Variants in STYXL1 observed in about 807,000 individuals in gnomAD.
STYXL1 encodes serine/threonine/tyrosine-interacting-like protein 1.
A neutral mutation model predicts 36.4 loss-of-function variants in STYXL1; 32 were observed. That is an observed-to-expected ratio of 0.88 (90% CI 0.66 to 1.18). The LOEUF is 1.18. Ranked by LOEUF, STYXL1 falls within the 50% of genes most tolerant of loss-of-function variation. STYXL1 has a pLI of 0.00. For missense variants in STYXL1, 354 were observed against 394.1 expected, an observed-to-expected ratio of 0.90 and a Z score of 0.86; for synonymous variants, 133 against 144.1, an observed-to-expected ratio of 0.92 and a Z score of 0.55.
chr7:76,032,331 T>C (rs1182586019), intron 1 of STYXL1, among the ~76,000 whole-genome samples: 2 of 119,110 alleles, frequency 1.7e-5, no homozygotes, highest in African/African-American at 3.3e-5. Flanking sequence ...GGCTGGGAGG[T>C]GGGGCTGCAG....
intron 3 of STYXL1, among the ~76,000 whole-genome samples, chr7:76,022,271 A>T (rs895562353): frequency 1.3e-5 from 2 of 152,188 alleles, no homozygotes; most frequent in Non-Finnish European, 2.9e-5. Flanking sequence ...ACTGATCCAC[A>T]GCCTATTAGG....
chr7:76,002,044 A>G (rs369947726), intron 7 of STYXL1, among the ~76,000 whole-genome samples: 1 of 152,136 alleles, frequency 6.6e-6, no homozygotes, highest in Non-Finnish European at 1.5e-5. Context: ...CCTGGGCTCA[A>G]GTAACCCTCC....
intron 4 of STYXL1, among the ~76,000 whole-genome samples, chr7:76,016,590 G>A (rs140172064): frequency 0.014 from 2,197 of 152,114 alleles, 35 homozygotes; most frequent in Non-Finnish European, 0.023. Context: ...GACATAAACA[G>A]ACACTTTTCA....
chr7:76,017,760 A>C (rs1290609724), intron 4 of STYXL1, among the ~76,000 whole-genome samples: 1 of 149,776 alleles, frequency 6.7e-6, no homozygotes, highest in Non-Finnish European at 1.5e-5. Flanking sequence ...GGTGGTGCGC[A>C]CCTGTATTCC....
chr7:76,025,985 G>A (rs1412032632), intron 3 of STYXL1, among the ~76,000 whole-genome samples: 13 of 151,136 alleles, frequency 8.6e-5, no homozygotes, highest in African/African-American at 3.2e-4. Context: ...GAGATCAGAA[G>A]ATCGAGAGCA....
At chr7:75,999,536 T>A (rs200413086) in intron 8 of STYXL1, among the ~76,000 whole-genome samples, 33 of 88,090 alleles carry the variant, frequency 3.7e-4, no homozygotes, top group East Asian at 1.2e-3. Flanking sequence ...TGTGTGTGTG[T>A]GTGTGTGTGT....
chr7:76,028,831 C>T, intron 2 of STYXL1, 128 bp from the exon 3 acceptor site: 2 of 868,866 alleles, frequency 2.3e-6, no homozygotes, highest in Non-Finnish European at 3.7e-6. Context: ...CAGTTTAAAA[C>T]TTGAGATGTG....
intron 3 of STYXL1, 42 bp from the exon 4 acceptor site, chr7:76,022,034 T>A: frequency 6.3e-7 from 1 of 1,585,956 alleles, no homozygotes. Flanking sequence ...GGCCTGTTGG[T>A]GGGCAGGTTC....
At chr7:76,021,770 G>A (rs1460574983) in intron 4 of STYXL1, 81 bp downstream of exon 4, 12 of 1,011,014 alleles carry the variant, frequency 1.2e-5, no homozygotes, top group Admixed American at 1.7e-5. Context: ...CGTGCCATGG[G>A]CATATGAACC....
chr7:76,005,246 T>C lies in STYXL1; in HGVS notation c.599+13A>G. On this transcript the variant is annotated intron_variant, in intron 6 of 8. Coordinates refer to ENST00000359697, the MANE Select transcript of STYXL1 (RefSeq NM_001317785.2). Reference sequence around the variant, plus strand: ...TAAAATGAAATATAAATCAGTAGTTTCTCTTTACTTACAAGGGCCCTGTAT... The same window carrying C: ...TAAAATGAAATATAAATCAGTAGTTCCTCTTTACTTACAAGGGCCCTGTAT... 4 of 1,373,052 alleles carry C rather than the reference T, an allele frequency of 2.9e-6. No homozygotes were observed. The highest frequency in any genetic ancestry group is 3.8e-6 in the Non-Finnish European group (4 of 1,045,416). The allele number at this position is 1,373,052 out of a possible 1,614,324, so 85.1% of individuals were successfully genotyped here.
At chr7:76,040,827 A>G (rs1184055811) in intron 1 of STYXL1, among the ~76,000 whole-genome samples, 1 of 151,972 alleles carries the variant, frequency 6.6e-6, no homozygotes, top group African/African-American at 2.4e-5. Flanking sequence ...CACAGCTAAA[A>G]AAAAAAGAAA....
chr7:76,014,898 C>T (rs1793086764), intron 4 of STYXL1, among the ~76,000 whole-genome samples: 1 of 151,828 alleles, frequency 6.6e-6, no homozygotes, highest in African/African-American at 2.4e-5. Context: ...AATAGATAAC[C>T]CAGAAATAAA....
At chr7:76,030,694 C>T (rs924482020) in intron 1 of STYXL1, among the ~76,000 whole-genome samples, 167 bp from the exon 2 acceptor site, 6 of 151,794 alleles carry the variant, frequency 4.0e-5, no homozygotes, top group African/African-American at 1.2e-4. Flanking sequence ...AAATATAGTG[C>T]GCAGAGGAGA....
At chr7:76,030,329 C>G in intron 2 of STYXL1, 92 bp downstream of exon 2, 12 of 886,432 alleles carry the variant, frequency 1.4e-5, no homozygotes, top group Admixed American at 2.0e-5. Flanking sequence ...TCATTCACTG[C>G]CCCCCACCCC....
chr7:76,030,575 T>C (rs1795214181), intron 1 of STYXL1, 48 bp from the exon 2 acceptor site: 3 of 1,129,946 alleles, frequency 2.7e-6, no homozygotes, highest in African/African-American at 1.5e-5. Context: ...CTATTTTAGA[T>C]GAATGACCAC....
chr7:76,002,194 G>A (rs782074111), intron 7 of STYXL1, among the ~76,000 whole-genome samples: 6 of 152,112 alleles, frequency 3.9e-5, no homozygotes, highest in African/African-American at 9.7e-5. Context: ...TCTGGAAAAC[G>A]GGATCACAGT....
chr7:76,034,346 A>G (rs1795710750), intron 1 of STYXL1, among the ~76,000 whole-genome samples: 1 of 152,000 alleles, frequency 6.6e-6, no homozygotes, highest in Non-Finnish European at 1.5e-5. Context: ...CCAAACCACA[A>G]AGACTGCTCT....
intron 1 of STYXL1, among the ~76,000 whole-genome samples, chr7:76,035,737 A>T (rs975442025): frequency 6.7e-6 from 1 of 149,468 alleles, no homozygotes; most frequent in South Asian, 2.2e-4. Context: ...CTCCTAACCC[A>T]TCTGGTCTAT....
intron 1 of STYXL1, among the ~76,000 whole-genome samples, chr7:76,046,891 T>C (rs1797178742): frequency 6.6e-6 from 1 of 151,602 alleles, no homozygotes; most frequent in Non-Finnish European, 1.5e-5. Context: ...CCTCAAGTGA[T>C]CGGCCCGCCT....
Sources: allele counts gnomAD v4.1 joint callset (sites outside exome capture counted in the v4.1 genomes callset), GRCh38; gene constraint gnomAD v4.1.1; transcripts MANE v1.5; gene names NCBI Gene and HGNC (gene_info 2026-07-23, HGNC 2026-07-21).